Variants in TNFRSF10D observed in about 807,000 individuals in gnomAD.
TNFRSF10D encodes the protein tumor necrosis factor receptor superfamily member 10D.
Under a neutral mutation model 42.1 loss-of-function variants are expected in TNFRSF10D, and 28 were observed. The observed-to-expected ratio is 0.66, with a 90% confidence interval of 0.49 to 0.91. The LOEUF (loss-of-function observed/expected upper bound fraction) is 0.91. Ranked by LOEUF, TNFRSF10D falls within the 40% of genes least tolerant of loss-of-function variation. The pLI is 0.00. For missense variants in TNFRSF10D, 503 were observed against 486.1 expected, an observed-to-expected ratio of 1.03 and a Z score of -0.33; for synonymous variants, 186 against 189.4, an observed-to-expected ratio of 0.98 and a Z score of 0.15.
At chr8:23,148,600 G>C (rs1800162520) in intron 2 of TNFRSF10D, 49 bp from the exon 3 acceptor site, 1 of 1,437,854 alleles carries the variant, frequency 7.0e-7, no homozygotes, top group Non-Finnish European at 9.7e-7. Context: ...AGAATTCCCA[G>C]AGGCTGACAA....
rs1469616731 is a variant in TNFRSF10D, at chr8:23,163,876, T to C, written c.60A>G (p.Pro20=). 2 of 1,600,748 alleles carry C rather than the reference T, an allele frequency of 1.2e-6. No homozygotes were observed. Residue 20 remains proline, a synonymous_variant, in exon 1 of 9, where the codon CCA becomes CCG. Transcript: ENST00000312584. The part of the protein sequence containing the change: ...TASSARAGRY[P]GARTASGTRP... The stretch of plus-strand genomic sequence containing the variant: ...TGGTTCCCGACGCTGTCCTGGCTCC[T>C]GGATAGCGCCCTGCTCGAGCGCTCG...
chr8:23,136,661 C>G lies in TNFRSF10D; in HGVS notation c.*1209G>C, dbSNP rs1351684520. The G allele has an allele frequency of 6.6e-6, 1 of 152,454 alleles. No homozygotes were observed. The highest frequency in any genetic ancestry group is 2.4e-5 in the African/African-American group (1 of 41,442). The allele number at this position is 152,454 out of a possible 1,614,324, so 9.4% of individuals were successfully genotyped here. On this transcript the variant is annotated 3_prime_UTR_variant, in exon 9 of 9. Coordinates refer to ENST00000312584, the MANE Select transcript of TNFRSF10D (RefSeq NM_003840.5). ...GATCTAACTTAATTCTCACTGTCCT[C>G]ATCTGCTGTGGACAAGTCGGAAGAT...
chr8:23,138,189 G>A lies in TNFRSF10D; in HGVS notation c.1026C>T (p.Asp342=). 2 of 1,614,096 alleles carry A rather than the reference G, an allele frequency of 1.2e-6. No homozygotes were observed. Among genetic ancestry groups the A allele is most frequent in the Non-Finnish European group, 8.5e-7 (1 of 1,180,032 alleles). Residue 342 remains aspartate (D), a splice_region_variant and synonymous_variant, in exon 8 of 9, where the codon GAC becomes GAT. Transcript: ENST00000312584. ...LVPVNDADSA[D]ISTLLDASAT... ...CGTCTCAAGGCACAAAACACTTACT[G>A]TCAGCGGAGTCAGCGTCATTCACTG...
chr8:23,149,727 A>G (rs540054867), intron 2 of TNFRSF10D, among the ~76,000 whole-genome samples: 4 of 152,208 alleles, frequency 2.6e-5, no homozygotes, highest in Non-Finnish European at 5.9e-5. Flanking sequence ...GAGGCTGCTC[A>G]GGAGCACCAT....
At chr8:23,163,686 C>A in intron 1 of TNFRSF10D, 100 bp downstream of exon 1, 4 of 1,505,798 alleles carry the variant, frequency 2.7e-6, no homozygotes, top group Non-Finnish European at 3.6e-6. Flanking sequence ...CGGCCGCAGG[C>A]GACCCGGGCC....
At chr8:23,139,752 G>T (rs747520828) in intron 7 of TNFRSF10D, among the ~76,000 whole-genome samples, 1 of 152,138 alleles carries the variant, frequency 6.6e-6, no homozygotes, top group Admixed American at 6.5e-5. Context: ...CTTCATGGAC[G>T]ATATGATTCT....
At chr8:23,146,401 T>A (rs73546699) in intron 4 of TNFRSF10D, among the ~76,000 whole-genome samples, 4,912 of 151,802 alleles carry the variant, frequency 0.032, 207 homozygotes, top group African/African-American at 0.11. Context: ...CCAAATAGGA[T>A]AAAGAAGGAC....
chr8:23,144,405 G>A (rs1372621292), intron 7 of TNFRSF10D, 45 bp downstream of exon 7: 2 of 1,592,498 alleles, frequency 1.3e-6, no homozygotes, highest in East Asian at 2.2e-5. Flanking sequence ...ACAAAGTCCT[G>A]TGCAGGCTGC....
At position 23,143,895 on chromosome 8, in the gene TNFRSF10D, T is replaced by A. The variant is rs188749356; in HGVS notation, c.954+555A>T. ...AAAAAAAACAAATGTGTGTCCAGAT[T>A]TCACACCTACTCAATGTCATATCAA... is the stretch of plus-strand genomic sequence containing the variant. On this transcript the variant is annotated intron_variant, in intron 7 of 8. Coordinates refer to ENST00000312584, the MANE Select transcript of TNFRSF10D (RefSeq NM_003840.5). Among the ~76,000 whole-genome samples the A allele has an allele frequency of 4.9e-4, 75 of 152,302 alleles. No individual in the cohort carries two copies. The East Asian group carries it at 0.012, about 24-fold the overall frequency.
At chr8:23,148,195 T>C (rs7387507) in intron 3 of TNFRSF10D, among the ~76,000 whole-genome samples, 119,847 of 151,504 alleles carry the variant, frequency 0.79, 48,430 homozygotes, top group African/African-American at 0.94. Flanking sequence ...GCCAAGATCA[T>C]GCCATTGCCC....
chr8:23,155,767 C>T (rs1800269697), intron 1 of TNFRSF10D, among the ~76,000 whole-genome samples: 1 of 151,706 alleles, frequency 6.6e-6, no homozygotes. Flanking sequence ...GAAATAGCAT[C>T]TAATGTATTT....
chr8:23,148,948 A>T lies in TNFRSF10D; in HGVS notation c.257-397T>A, dbSNP rs553787357. Among the ~76,000 whole-genome samples, 605 of 151,418 alleles carry T rather than the reference A, an allele frequency of 4.0e-3. 2 individuals are homozygous for T. The highest frequency in any genetic ancestry group is 4.8e-3 in the Non-Finnish European group (323 of 67,768). ...GCTCACGCCTGTAATCCCAGTACTT[A>T]GGGAGGCCAAGGCGGACGAATCACG... is the stretch of plus-strand genomic sequence containing the variant. On this transcript the variant is annotated intron_variant, in intron 2 of 8. Coordinates refer to ENST00000312584, the MANE Select transcript of TNFRSF10D (RefSeq NM_003840.5).
Position 23,145,823 on chromosome 8 carries a change from G to C in TNFRSF10D, c.581C>G (p.Ala194Gly), listed in dbSNP as rs951825219. Residue 194 changes from alanine (A) to glycine (G), a missense_variant, in exon 5 of 9, where the codon GCA (alanine) becomes GGA (glycine). Physicochemically the swap from Ala to Gly is moderately conservative, Grantham distance 60 (BLOSUM62 0). Transcript: ENST00000312584. The stretch of plus-strand genomic sequence containing the variant: ...GATGGTGGTCACTGTCTCCTCCGCT[G>C]CTGGGGTTTTCCCAGTGGAACTGGC... ...SAASSTGKTP[A>G]AEETVTTILG... is the part of the protein sequence containing the mutation. The C allele has an allele frequency of 6.8e-6, 11 of 1,614,240 alleles. No homozygotes were observed. The highest frequency in any genetic ancestry group is 1.6e-4 in the Middle Eastern group (1 of 6,062).
chr8:23,139,492 T>C (rs1162173002), intron 7 of TNFRSF10D, among the ~76,000 whole-genome samples: 1 of 152,208 alleles, frequency 6.6e-6, no homozygotes, highest in Non-Finnish European at 1.5e-5. Context: ...CTCTTTTGGA[T>C]GTTAAAAAAC....
chr8:23,159,117 G>T (rs1371516065), intron 1 of TNFRSF10D, among the ~76,000 whole-genome samples: 900 of 151,942 alleles, frequency 5.9e-3, no homozygotes, highest in African/African-American at 0.019. Context: ...GTCTGTGTCT[G>T]TGGTTTTTGG....
intron 2 of TNFRSF10D, among the ~76,000 whole-genome samples, chr8:23,150,288 C>T (rs373838114): frequency 1.1e-4 from 16 of 152,330 alleles, no homozygotes; most frequent in African/African-American, 3.6e-4. Context: ...TATTCCAGTG[C>T]CAGTTCAGCC....
chr8:23,159,882 G>A (rs1800340326), intron 1 of TNFRSF10D, among the ~76,000 whole-genome samples: 3 of 151,666 alleles, frequency 2.0e-5, no homozygotes, highest in African/African-American at 2.4e-5. Flanking sequence ...GAAGTCGTAC[G>A]TGCTTTTCTC....
intron 1 of TNFRSF10D, among the ~76,000 whole-genome samples, chr8:23,156,132 G>A (rs1289241180): frequency 2.0e-5 from 3 of 152,122 alleles, no homozygotes; most frequent in Non-Finnish European, 4.4e-5. Flanking sequence ...TTCCTTGTTT[G>A]TAGAAAGTAC....
intron 1 of TNFRSF10D, among the ~76,000 whole-genome samples, chr8:23,160,844 G>A (rs909629092): frequency 1.4e-4 from 22 of 152,300 alleles, no homozygotes; most frequent in East Asian, 7.7e-4. Flanking sequence ...ACTCCAACCC[G>A]GGCCGGACAC....
Sources: allele counts gnomAD v4.1 joint callset (sites outside exome capture counted in the v4.1 genomes callset), GRCh38; gene constraint gnomAD v4.1.1; transcripts MANE v1.5; gene names NCBI Gene and HGNC (gene_info 2026-07-23, HGNC 2026-07-21).